Variants in STAU2 observed in about 807,000 individuals in gnomAD.
The protein encoded by STAU2 is staufen double-stranded RNA binding protein 2, also known as double-stranded RNA-binding protein Staufen homolog 2.
Under a neutral mutation model 65.9 loss-of-function variants are expected in STAU2, and 20 were observed. The ratio of observed to expected loss-of-function variants is 0.30; its 90% CI spans 0.21 to 0.44. STAU2 has a LOEUF of 0.44. Among genes scored for constraint, STAU2 ranks in the 20% least tolerant of loss-of-function variants. The pLI is 1.00. For missense variants in STAU2, 558 were observed against 683.9 expected (o/e 0.82, Z 2.05); for synonymous variants, 232 against 233.9 (o/e 0.99, Z 0.07).
At position 73,734,594 on chromosome 8, in the gene STAU2, G is replaced by C. The variant is rs142314413; in HGVS notation, c.-18+3690C>G. Among the ~76,000 whole-genome samples the C allele has an allele frequency of 7.3e-4, 111 of 152,228 alleles. 2 individuals carry two copies. The East Asian group carries it at 0.014, about 19-fold the overall frequency. ...GCAGACCACGAGGTCAGAAGTTCGA[G>C]ACCAGCCTGACCAACATGGTGAAAC... is the stretch of plus-strand genomic sequence containing the variant. On this transcript the variant is annotated intron_variant, in intron 3 of 14. Coordinates refer to ENST00000524300, the MANE Select transcript of STAU2 (RefSeq NM_001164380.2).
At chr8:73,700,364 AAAG>A (rs1373379301) in intron 4 of STAU2, among the ~76,000 whole-genome samples, 5 of 151,918 alleles carry the variant, frequency 3.3e-5, no homozygotes, top group East Asian at 1.9e-4. Flanking sequence ...CCAAATTGGA[AAAG>A]AAGAAGTCAA....
intron 2 of STAU2, among the ~76,000 whole-genome samples, chr8:73,738,830 C>A (rs1013199429): frequency 6.6e-6 from 1 of 152,174 alleles, no homozygotes; most frequent in Non-Finnish European, 1.5e-5. Flanking sequence ...AAAGAAGATG[C>A]AACACCACAA....
chr8:73,627,232 C>G (rs1191539654), intron 6 of STAU2, among the ~76,000 whole-genome samples: 139 of 3,746 alleles, frequency 0.037, no homozygotes, highest in Non-Finnish European at 0.064. Context: ...GAGGGGGGGG[C>G]AGGAGGGCGG....
At position 73,552,258 on chromosome 8, in the gene STAU2, GT is replaced by G. The variant is rs1807386999; in HGVS notation, c.1283del (p.His428ProfsTer3). ...DVYQEMEASR[H>X]KVISGTTLGY... is the part of the protein sequence containing the mutation. ...CTAGAGTAGTGCCAGAGATTACTTTGTGGCGGCTGGCTTCCATCTCTTGATA... is the reference window on the plus strand; with the variant it reads ...CTAGAGTAGTGCCAGAGATTACTTTGGGCGGCTGGCTTCCATCTCTTGATA... On this transcript the variant is annotated frameshift_variant, in exon 13 of 15. Coordinates refer to ENST00000524300, the MANE Select transcript of STAU2 (RefSeq NM_001164380.2). LOFTEE classifies it high-confidence loss of function. The G allele has an allele frequency of 6.2e-7, 1 of 1,613,698 alleles. No individual in the cohort carries two copies. The highest frequency in any genetic ancestry group is 1.3e-5 in the African/African-American group (1 of 74,916).
chr8:73,706,632 T>A (rs981680969), intron 4 of STAU2, among the ~76,000 whole-genome samples: 1 of 152,148 alleles, frequency 6.6e-6, no homozygotes, highest in Non-Finnish European at 1.5e-5. Context: ...CATGTTTCAC[T>A]CAACAACATG....
intron 13 of STAU2, among the ~76,000 whole-genome samples, chr8:73,505,137 C>T (rs1331638557): frequency 6.6e-6 from 1 of 152,102 alleles, no homozygotes; most frequent in Admixed American, 6.6e-5. Context: ...CCTAAGTCAT[C>T]GTTCTCCAAA....
At chr8:73,463,313 T>C (rs1455430915) in intron 13 of STAU2, among the ~76,000 whole-genome samples, 1 of 152,260 alleles carries the variant, frequency 6.6e-6, no homozygotes, top group African/African-American at 2.4e-5. Context: ...CTCGAACTGA[T>C]GAAATACAAA....
chr8:73,731,326 C>A (rs1442732439), intron 3 of STAU2, among the ~76,000 whole-genome samples: 1 of 152,130 alleles, frequency 6.6e-6, no homozygotes, highest in East Asian at 1.9e-4. Context: ...GGTACTCTGC[C>A]CTGTAATTCT....
At chr8:73,613,467 T>C (rs1812617001) in intron 9 of STAU2, among the ~76,000 whole-genome samples, 1 of 152,196 alleles carries the variant, frequency 6.6e-6, no homozygotes. Context: ...AGGGGGATTA[T>C]AGTAAAGGTG....
At chr8:73,567,848 G>A (rs185167249) in intron 12 of STAU2, among the ~76,000 whole-genome samples, 1,674 of 148,716 alleles carry the variant, frequency 0.011, 22 homozygotes, top group African/African-American at 0.038. Context: ...TTTCTTACTC[G>A]CTGGGGGGGA....
intron 8 of STAU2, 74 bp downstream of exon 8, chr8:73,615,601 C>G (rs1812774345): frequency 1.6e-5 from 17 of 1,076,124 alleles, no homozygotes; most frequent in Non-Finnish European, 2.3e-5. Context: ...ACTAATACAC[C>G]AGTTAATTTG....
At chr8:73,681,454 G>A (rs1818425316) in intron 5 of STAU2, among the ~76,000 whole-genome samples, 1 of 152,042 alleles carries the variant, frequency 6.6e-6, no homozygotes, top group Admixed American at 6.6e-5. Flanking sequence ...CACTAAAGAA[G>A]TAATAAAATG....
At position 73,613,859 on chromosome 8, in the gene STAU2, A is replaced by T; in HGVS notation, c.776T>A (p.Leu259His). 1 of 1,613,550 alleles carries T rather than the reference A, an allele frequency of 6.2e-7. No homozygotes were observed. Among genetic ancestry groups the T allele is most frequent in the Non-Finnish European group, 8.5e-7 (1 of 1,179,814 alleles). ...GGTGGTCGCAGCGCGCTTCTTGGAG[A>T]GTTTTTTGCTATTTCCTTCTCCTTC... ...SAEGEGNSKK[L>H]SKKRAATTVL... is the part of the protein sequence containing the mutation. Residue 259 changes from leucine to histidine, a missense_variant, in exon 9 of 15, where the codon CTC becomes CAC. By Grantham distance (99) the Leu-to-His change is moderately conservative. This residue lies in a region of STAU2 where 199 missense variants were observed against 299.5 expected (regional missense o/e 0.66). Coordinates refer to ENST00000524300, the MANE Select transcript of STAU2 (RefSeq NM_001164380.2).
At chr8:73,532,158 C>G (rs1805862463) in intron 13 of STAU2, among the ~76,000 whole-genome samples, 1 of 152,158 alleles carries the variant, frequency 6.6e-6, no homozygotes. Flanking sequence ...ACTGATGAAA[C>G]ATGTTATTTG....
At chr8:73,661,498 CAG>C (rs1245691131) in intron 6 of STAU2, among the ~76,000 whole-genome samples, 1 of 152,134 alleles carries the variant, frequency 6.6e-6, no homozygotes. Context: ...ATTTTAGGCT[CAG>C]AGTTTGATGA....
At chr8:73,495,682 T>C (rs965209398) in intron 13 of STAU2, among the ~76,000 whole-genome samples, 2 of 148,090 alleles carry the variant, frequency 1.4e-5, no homozygotes, top group Non-Finnish European at 3.0e-5. Context: ...TATATATATA[T>C]ATATATGTAT....
At chr8:73,721,719 C>T (rs1336088313) in intron 3 of STAU2, among the ~76,000 whole-genome samples, 1 of 152,126 alleles carries the variant, frequency 6.6e-6, no homozygotes, top group Non-Finnish European at 1.5e-5. Flanking sequence ...TTAATATAGC[C>T]ACTCCAAGTT....
At chr8:73,541,054 A>G (rs1038150317) in intron 13 of STAU2, among the ~76,000 whole-genome samples, 2 of 152,310 alleles carry the variant, frequency 1.3e-5, no homozygotes, top group South Asian at 2.1e-4. Context: ...GGAAGGCCCA[A>G]TGGAAAAGTA....
At chr8:73,695,286 T>A (rs1322714177) in intron 4 of STAU2, among the ~76,000 whole-genome samples, 1 of 152,178 alleles carries the variant, frequency 6.6e-6, no homozygotes, top group South Asian at 2.1e-4. Flanking sequence ...CACCATAGGA[T>A]AAGGCACCAG....
Sources: allele counts gnomAD v4.1 joint callset (sites outside exome capture counted in the v4.1 genomes callset), GRCh38; gene constraint gnomAD v4.1.1; regional missense constraint gnomAD v4.1.1; transcripts MANE v1.5; gene names NCBI Gene and HGNC (gene_info 2026-07-23, HGNC 2026-07-21).